Variants in JKAMP observed in about 807,000 individuals in gnomAD.
The protein encoded by JKAMP is JNK1/MAPK8-associated membrane protein.
A neutral mutation model predicts 40.2 loss-of-function variants in JKAMP; 20 were observed. The ratio of observed to expected loss-of-function variants is 0.50; its 90% confidence interval spans 0.35 to 0.72. The LOEUF (loss-of-function observed/expected upper bound fraction) is 0.72, where lower values mean the gene tolerates loss of function less well. Among genes scored for constraint, JKAMP ranks in the 30% least tolerant of loss-of-function variants. JKAMP has a pLI of 0.01. For missense variants in JKAMP, 276 were observed against 373.0 expected, an observed-to-expected ratio of 0.74 and a Z score of 2.14; for synonymous variants, 138 against 131.6, an observed-to-expected ratio of 1.05 and a Z score of -0.33.
intron 1 of JKAMP, 79 bp from the exon 2 acceptor site, chr14:59,486,634 C>A: frequency 1.0e-6 from 1 of 958,140 alleles, no homozygotes; most frequent in Non-Finnish European, 1.6e-6. Flanking sequence ...GTTATTTTTG[C>A]CAAATGCTTC....
chr14:59,486,875 C>T (rs1890621696), intron 2 of JKAMP, 71 bp downstream of exon 2: 1 of 1,079,388 alleles, frequency 9.3e-7, no homozygotes. Context: ...TCACATACAA[C>T]ATTTTTTGTT....
At chr14:59,496,567 A>G (rs1188693493) in intron 4 of JKAMP, among the ~76,000 whole-genome samples, 1 of 152,222 alleles carries the variant, frequency 6.6e-6, no homozygotes, top group African/African-American at 2.4e-5. Context: ...ATATAAGATT[A>G]GAAGAGAAAT....
chr14:59,490,389 A>T (rs923612431), intron 3 of JKAMP, among the ~76,000 whole-genome samples: 3 of 152,182 alleles, frequency 2.0e-5, no homozygotes, highest in Non-Finnish European at 2.9e-5. Flanking sequence ...TGAGATTTGG[A>T]GGGAATGAGC....
intron 4 of JKAMP, among the ~76,000 whole-genome samples, chr14:59,498,002 A>G (rs1279278189): frequency 6.6e-6 from 1 of 152,224 alleles, no homozygotes. Context: ...ATAAAGTGCT[A>G]GAAATCTGGT....
In JKAMP at chr14:59,490,602, G is replaced by A. The variant is rs114979492; in HGVS notation, c.251+2774G>A. ...TGGAAATGGAAAGGATGGTCAGATA[G>A]AAATAGAATCAGCAGTTTTCTGGGG... On this transcript the variant is annotated intron_variant, in intron 3 of 6. Coordinates refer to ENST00000616435, the MANE Select transcript of JKAMP (RefSeq NM_016475.5). Among the ~76,000 whole-genome samples the A allele has an allele frequency of 2.1e-3, 320 of 152,292 alleles. 1 individual carries two copies. Among genetic ancestry groups the A allele is most frequent in the African/African-American group, 6.9e-3 (287 of 41,556 alleles).
chr14:59,490,810 T>C (rs992833079), intron 3 of JKAMP, among the ~76,000 whole-genome samples: 3 of 152,180 alleles, frequency 2.0e-5, no homozygotes, highest in African/African-American at 7.2e-5. Flanking sequence ...AGAATAATTG[T>C]CCAGTCAATT....
At chr14:59,493,187 TC>T (rs1316387772) in intron 3 of JKAMP, among the ~76,000 whole-genome samples, 2 of 151,984 alleles carry the variant, frequency 1.3e-5, no homozygotes, top group Non-Finnish European at 2.9e-5. Context: ...GGAAAACACA[TC>T]CCAAGCAGAA....
intron 1 of JKAMP, among the ~76,000 whole-genome samples, chr14:59,486,359 A>G (rs929247706): frequency 1.3e-5 from 2 of 152,194 alleles, no homozygotes; most frequent in African/African-American, 2.4e-5. Context: ...GTGACCCTCT[A>G]CTGGTGCTCT....
chr14:59,486,700 TG>T lies in JKAMP; in HGVS notation c.5-12del, dbSNP rs1384096479. Reference sequence around the variant, plus strand: ...CAAAAGATGTTACTATACTGGCATTTGTTTTTAAAAAGCTGTCGATATTCAA... The same window carrying T: ...CAAAAGATGTTACTATACTGGCATTTTTTTTAAAAAGCTGTCGATATTCAA... On this transcript the variant is annotated splice_polypyrimidine_tract_variant and intron_variant, in intron 1 of 6. Transcript: ENST00000616435. 6.5e-7 allele frequency: 1 copy of T among 1,547,544 alleles called. No homozygotes were observed. The highest frequency in any genetic ancestry group is 1.9e-5 in the Admixed American group (1 of 53,108).
Position 59,505,284 on chromosome 14 carries a change from A to T in JKAMP, c.*1212A>T. ...TCTCAGTACATTTAACCACTGGGAA[A>T]TGAACCCTTGTACGAATGTGTTTCT... On this transcript the variant is annotated 3_prime_UTR_variant, in exon 7 of 7. Transcript: ENST00000616435. 6.6e-7 allele frequency: 1 copy of T among 1,510,410 alleles called. No homozygotes were observed. The highest frequency in any genetic ancestry group is 1.3e-5 in the South Asian group (1 of 79,734). 93.6% of individuals were successfully genotyped at this position (1,510,410 alleles called of 1,614,324 possible).
At chr14:59,500,424 G>A (rs1185430167) in intron 5 of JKAMP, among the ~76,000 whole-genome samples, 2 of 152,110 alleles carry the variant, frequency 1.3e-5, no homozygotes, top group South Asian at 2.1e-4. Flanking sequence ...ATTTTAGTGT[G>A]TTATAAATTT....
chr14:59,504,438 G>T lies in JKAMP; in HGVS notation c.*366G>T. The T allele has an allele frequency of 5.4e-6, 1 of 186,758 alleles. No individual in the cohort carries two copies. The highest frequency in any genetic ancestry group is 1.1e-5 in the Non-Finnish European group (1 of 91,486). 11.6% of individuals were successfully genotyped at this position (186,758 alleles called of 1,614,324 possible). A position where few individuals can be genotyped will look rare whatever the true frequency, so the allele number is the denominator to read the frequency against. On this transcript the variant is annotated 3_prime_UTR_variant, in exon 7 of 7. Coordinates refer to ENST00000616435, the MANE Select transcript of JKAMP (RefSeq NM_016475.5). ...GTGTAATCTGCAGTCCTTAACAGTG[G>T]CGTAATTGTACTTACCTGTTGTGTT...
In JKAMP at chr14:59,495,197, A is replaced by G. The variant is rs1198084982; in HGVS notation, c.431A>G (p.His144Arg). Residue 144 changes from histidine to arginine, a missense_variant, in exon 4 of 7, where the codon CAC becomes CGC. His to Arg is a conservative substitution (Grantham distance 29). Transcript: ENST00000616435. ...AGTCCAGATTACGTTACCACAGTAC[A>G]CTGTACTCATGAAGCCGTCTACCCA... ...NPSPDYVTTVHCTHEAVYPLY... is the reference protein window; with the variant it reads ...NPSPDYVTTVRCTHEAVYPLY... 6 of 1,612,802 alleles carry G rather than the reference A, an allele frequency of 3.7e-6. No homozygotes were observed. In the South Asian group the frequency reaches 4.4e-5, roughly 12 times the overall value.
chr14:59,485,234 A>G, intron 1 of JKAMP: 2 of 1,102,060 alleles, frequency 1.8e-6, no homozygotes, highest in Non-Finnish European at 1.3e-6. Context: ...TACTAGATGT[A>G]AAGCCCATAC....
intron 5 of JKAMP, among the ~76,000 whole-genome samples, chr14:59,500,625 C>G (rs752492889): frequency 6.6e-6 from 1 of 152,114 alleles, no homozygotes; most frequent in South Asian, 2.1e-4. Context: ...TTATAGATAA[C>G]CTTTTTCAAC....
rs888344738 is a variant in JKAMP, at chr14:59,504,370, A to T, written c.*298A>T. 6.2e-6 allele frequency: 2 copies of T among 321,650 alleles called. No individual in the cohort carries two copies. The highest frequency in any genetic ancestry group is 4.3e-5 in the African/African-American group (2 of 46,954). The allele number at this position is 321,650 out of a possible 1,614,324, so 19.9% of individuals were successfully genotyped here. ...TTAGGGCAAAATCATGTTTCTGTGT[A>T]CCTAGCAATGTGTTCCCATTTTATT... On this transcript the variant is annotated 3_prime_UTR_variant, in exon 7 of 7. Coordinates refer to ENST00000616435, the MANE Select transcript of JKAMP (RefSeq NM_016475.5).
At chr14:59,489,620 C>A (rs959741905) in intron 3 of JKAMP, among the ~76,000 whole-genome samples, 1 of 152,246 alleles carries the variant, frequency 6.6e-6, no homozygotes. Flanking sequence ...ATCTTTATAG[C>A]ACTGCCCTAC....
chr14:59,489,528 C>T (rs772001807), intron 3 of JKAMP, among the ~76,000 whole-genome samples: 15 of 152,242 alleles, frequency 9.9e-5, no homozygotes, highest in African/African-American at 3.4e-4. Flanking sequence ...AGATGTTCCA[C>T]GCTTTCCCTC....
rs551746662 is a variant in JKAMP at position 59,496,107 on chromosome 14, T to C, written c.458+883T>C. ...TTAGTAGAGAGACGGGGTTTTGCCA[T>C]GTTGGCCAGGCTGGTCTTGAACTCC... is the stretch of plus-strand genomic sequence containing the variant. On this transcript the variant is annotated intron_variant, in intron 4 of 6. Transcript: ENST00000616435. Among the ~76,000 whole-genome samples the C allele has an allele frequency of 1.6e-4, 25 of 152,300 alleles. No homozygotes were observed. The South Asian group carries it at 5.2e-3, about 32-fold the overall frequency.
Sources: allele counts gnomAD v4.1 joint callset (sites outside exome capture counted in the v4.1 genomes callset), GRCh38; gene constraint gnomAD v4.1.1; transcripts MANE v1.5; gene names NCBI Gene and HGNC (gene_info 2026-07-23, HGNC 2026-07-21).